The following CSGALNACT1 variants were observed in gnomAD, a reference collection of about 807,000 sequenced individuals.
CSGALNACT1 encodes the protein chondroitin sulfate N-acetylgalactosaminyltransferase 1.
In CSGALNACT1, 52 loss-of-function variants were observed where a neutral mutation model predicts 51.0. The observed-to-expected ratio is 1.02, with a 90% CI of 0.82 to 1.29. The LOEUF (loss-of-function observed/expected upper bound fraction) is 1.29, where lower values mean the gene tolerates loss of function less well. Among genes scored for constraint, CSGALNACT1 ranks in the 50% most tolerant of loss-of-function variants. CSGALNACT1 has a pLI of 0.00. For missense variants in CSGALNACT1, 935 were observed against 679.2 expected (o/e 1.38, Z -4.19); for synonymous variants, 341 against 254.4 (o/e 1.34, Z -3.24).
At chr8:19,578,541 C>T (rs1471794162) in intron 3 of CSGALNACT1, among the ~76,000 whole-genome samples, 2 of 152,192 alleles carry the variant, frequency 1.3e-5, no homozygotes, top group Non-Finnish European at 2.9e-5. Flanking sequence ...TGCTTTAATA[C>T]ACAAGCAAAA....
At chr8:19,529,543 C>A (rs2154051783) in intron 3 of CSGALNACT1, among the ~76,000 whole-genome samples, 2 of 152,286 alleles carry the variant, frequency 1.3e-5, no homozygotes, top group South Asian at 4.1e-4. Context: ...GCAACCCTTT[C>A]CCCATTACTA....
intron 3 of CSGALNACT1, among the ~76,000 whole-genome samples, chr8:19,533,539 C>G (rs1282955172): frequency 1.3e-5 from 2 of 152,124 alleles, no homozygotes; most frequent in African/African-American, 4.8e-5. Context: ...CGCTAGTGTA[C>G]CTTCTATCCT....
At chr8:19,440,616 G>T (rs1031588183) in intron 5 of CSGALNACT1, among the ~76,000 whole-genome samples, 22 of 152,286 alleles carry the variant, frequency 1.4e-4, no homozygotes, top group Admixed American at 3.9e-4. Context: ...ATATCATATT[G>T]AATGGGCAAA....
At position 19,694,670 on chromosome 8, in the gene CSGALNACT1, T is replaced by C. The variant is rs143825203; in HGVS notation, c.-297+63180A>G. 6.6e-3 allele frequency among the ~76,000 whole-genome samples: 1,003 copies of C among 152,322 alleles called. 12 individuals are homozygous for C. Among genetic ancestry groups the C allele is most frequent in the African/African-American group, 0.022 (916 of 41,564 alleles). Reference sequence around the variant, plus strand: ...TAGGAAAGGGCATGGGTTCCCTTAATGCTAAATAAACTTCTAGAATTGATC... The same window carrying C: ...TAGGAAAGGGCATGGGTTCCCTTAACGCTAAATAAACTTCTAGAATTGATC... On this transcript the variant is annotated intron_variant, in intron 1 of 1. Coordinates refer to the CSGALNACT1 transcript ENST00000517494.
intron 1 of CSGALNACT1, among the ~76,000 whole-genome samples, chr8:19,622,483 A>C (rs1385204759): frequency 6.6e-6 from 1 of 152,226 alleles, no homozygotes; most frequent in Admixed American, 6.5e-5. Context: ...ATTAAATTAT[A>C]TTTCAAAACA....
rs370928785 is a variant in CSGALNACT1, at chr8:19,656,598, C to A, written c.-544+25875G>T. On this transcript the variant is annotated intron_variant, in intron 1 of 9. Coordinates refer to the CSGALNACT1 transcript ENST00000332246. ...AGAACCAGGAGAAACTACGCCCCCC[C>A]CCCACACACACACACGAGATCAGCA... Among the ~76,000 whole-genome samples, 48 of 105,104 alleles carry A rather than the reference C, an allele frequency of 4.6e-4. 1 individual carries two copies. Among genetic ancestry groups the A allele is most frequent in the South Asian group, 1.7e-3 (6 of 3,470 alleles). 69.0% of individuals were successfully genotyped at this position (105,104 alleles called of 152,430 possible). A position where few individuals can be genotyped will look rare whatever the true frequency, so the allele number is the denominator to read the frequency against.
rs372505858 is a variant in CSGALNACT1, at chr8:19,457,093, T to C, written c.851+1333A>G. Among the ~76,000 whole-genome samples, 134 of 152,256 alleles carry C rather than the reference T, an allele frequency of 8.8e-4. 2 individuals are homozygous for C. The South Asian group carries it at 0.015, about 17-fold the overall frequency. On this transcript the variant is annotated intron_variant, in intron 5 of 9. Transcript: ENST00000454498. ...GGCAGCTTCCTGGTGCACACACACA[T>C]TGCCTAGAGAACCCTACGTCAGAAA...
chr8:19,604,635 C>T (rs1005853940), upstream of CSGALNACT1, among the ~76,000 whole-genome samples: 4 of 151,140 alleles, frequency 2.6e-5, no homozygotes, highest in Non-Finnish European at 4.4e-5. Flanking sequence ...CGGCCAGGTA[C>T]GGTGGCTCAT....
intron 6 of CSGALNACT1, among the ~76,000 whole-genome samples, chr8:19,434,044 T>C (rs575301114): frequency 1.3e-5 from 2 of 152,286 alleles, no homozygotes; most frequent in East Asian, 1.9e-4. Context: ...TAAAGCTCCC[T>C]TTCACACCAA....
chr8:19,684,162 T>G (rs1407011177), upstream of CSGALNACT1, among the ~76,000 whole-genome samples: 1 of 146,190 alleles, frequency 6.8e-6, no homozygotes, highest in African/African-American at 2.5e-5. Context: ...CTTGACTCCA[T>G]CTCAAAAAAA....
chr8:19,489,193 GATT>G (rs138827641), intron 4 of CSGALNACT1, among the ~76,000 whole-genome samples: 23,289 of 151,962 alleles, frequency 0.15, 2,023 homozygotes, highest in Non-Finnish European at 0.2. Context: ...AAATCAGTAT[GATT>G]ATTACAACAG....
intron 3 of CSGALNACT1, among the ~76,000 whole-genome samples, chr8:19,576,795 G>A (rs1032772501): frequency 2.6e-5 from 4 of 152,028 alleles, no homozygotes; most frequent in African/African-American, 7.2e-5. Flanking sequence ...TTGTGAGTGG[G>A]GTCCTACTAG....
At chr8:19,750,679 T>A (rs1273723869) in intron 1 of CSGALNACT1, among the ~76,000 whole-genome samples, 1 of 152,172 alleles carries the variant, frequency 6.6e-6, no homozygotes, top group Non-Finnish European at 1.5e-5. Flanking sequence ...AAACCCCAGG[T>A]TGTCCACCAC....
intron 1 of CSGALNACT1, among the ~76,000 whole-genome samples, chr8:19,638,733 C>G (rs1346221864): frequency 3.3e-5 from 5 of 152,026 alleles, no homozygotes; most frequent in Non-Finnish European, 7.4e-5. Flanking sequence ...TGGGTGGTAA[C>G]TTCCCTAAGG....
rs78345181 is a variant in CSGALNACT1, at chr8:19,636,150, G to A, written c.-543-34285C>T. ...TTTCCATTACCTCAGGTTAACCATG[G>A]TCAGTAAACAGGCGAGTACAATACA... On this transcript the variant is annotated intron_variant, in intron 1 of 9. Coordinates refer to the CSGALNACT1 transcript ENST00000332246. Among the ~76,000 whole-genome samples, 675 of 152,254 alleles carry A rather than the reference G, an allele frequency of 4.4e-3. 3 individuals are homozygous for A. The highest frequency in any genetic ancestry group is 0.016 in the African/African-American group (644 of 41,532).
chr8:19,505,140 G>C (rs1489087645), intron 4 of CSGALNACT1, 61 bp downstream of exon 3: 45 of 1,598,672 alleles, frequency 2.8e-5, no homozygotes, highest in Admixed American at 5.0e-5. Flanking sequence ...GAACCTGCCT[G>C]GGTGCCAGGA....
intron 1 of CSGALNACT1, among the ~76,000 whole-genome samples, chr8:19,751,631 T>C (rs1397537107): frequency 6.6e-6 from 1 of 152,188 alleles, no homozygotes; most frequent in Non-Finnish European, 1.5e-5. Flanking sequence ...CGAAATCTCA[T>C]GTCAAATTAT....
At chr8:19,533,713 A>T (rs1413402787) in intron 3 of CSGALNACT1, among the ~76,000 whole-genome samples, 1 of 152,190 alleles carries the variant, frequency 6.6e-6, no homozygotes, top group African/African-American at 2.4e-5. Context: ...GACAATGCAG[A>T]ATAACGCTTA....
chr8:19,574,414 TGCA>T (rs2154114203), intron 3 of CSGALNACT1, among the ~76,000 whole-genome samples: 1 of 152,338 alleles, frequency 6.6e-6, no homozygotes, highest in South Asian at 2.1e-4. Context: ...GGTTCCTCCA[TGCA>T]GCCCAGTTTA....
Sources: gnomAD v4.1 joint callset for allele counts (sites outside exome capture counted in the v4.1 genomes callset) on GRCh38, gnomAD v4.1.1 for gene constraint, MANE v1.5 for transcripts, NCBI Gene and HGNC (gene_info 2026-07-23, HGNC 2026-07-21) for gene names.